Variants in ZDHHC17 observed in about 807,000 individuals in gnomAD.
The protein encoded by ZDHHC17 is zDHHC palmitoyltransferase 17, also known as palmitoyltransferase ZDHHC17.
A neutral mutation model predicts 90.3 loss-of-function variants in ZDHHC17; 40 were observed. The ratio of observed to expected loss-of-function variants is 0.44; its 90% CI spans 0.34 to 0.58. The LOEUF (loss-of-function observed/expected upper bound fraction) is 0.58, where lower values mean the gene tolerates loss of function less well. Among genes scored for constraint, ZDHHC17 ranks in the 20% least tolerant of loss-of-function variants. ZDHHC17 has a pLI of 0.01. For synonymous variants in ZDHHC17, 235 were observed against 252.4 expected, an observed-to-expected ratio of 0.93 and a Z score of 0.65; for missense variants, 614 against 780.8, an observed-to-expected ratio of 0.79 and a Z score of 2.55.
At chr12:76,773,570 G>A (rs1952520989) in intron 1 of ZDHHC17, among the ~76,000 whole-genome samples, 2 of 152,172 alleles carry the variant, frequency 1.3e-5, no homozygotes, top group East Asian at 1.9e-4. Flanking sequence ...TACAGATTAG[G>A]AAACAGATTC....
At chr12:76,830,594 A>G (rs1027852759) in intron 10 of ZDHHC17, among the ~76,000 whole-genome samples, 5 of 152,182 alleles carry the variant, frequency 3.3e-5, no homozygotes, top group Admixed American at 2.0e-4. Flanking sequence ...GTATGAGTAA[A>G]ACAGATCTGT....
At chr12:76,835,953 GT>G (rs1002503930) in intron 10 of ZDHHC17, among the ~76,000 whole-genome samples, 2 of 151,250 alleles carry the variant, frequency 1.3e-5, no homozygotes, top group African/African-American at 4.9e-5. Context: ...AATTGTGTAT[GT>G]TTTTTTCTTT....
intron 1 of ZDHHC17, among the ~76,000 whole-genome samples, chr12:76,767,685 C>G (rs1020852744): frequency 6.6e-6 from 1 of 152,080 alleles, no homozygotes; most frequent in African/African-American, 2.4e-5. Flanking sequence ...TTAGGGAGGC[C>G]GAGGCGGGCG....
chr12:76,799,001 AT>A (rs917825750), intron 2 of ZDHHC17, among the ~76,000 whole-genome samples: 11 of 152,150 alleles, frequency 7.2e-5, no homozygotes, highest in African/African-American at 2.4e-4. Flanking sequence ...GTCAGGCGTG[AT>A]GGCACACTCC....
intron 2 of ZDHHC17, among the ~76,000 whole-genome samples, chr12:76,799,163 T>C (rs115324685): frequency 0.027 from 4,101 of 152,196 alleles, 194 homozygotes; most frequent in African/African-American, 0.093. Flanking sequence ...AAAAGAATTC[T>C]CTGAAGTTCA....
At chr12:76,802,069 G>A (rs1252296747) in intron 2 of ZDHHC17, among the ~76,000 whole-genome samples, 3 of 151,970 alleles carry the variant, frequency 2.0e-5, no homozygotes, top group African/African-American at 7.3e-5. Flanking sequence ...ATATGCCTTT[G>A]AGTTACTGTC....
intron 2 of ZDHHC17, among the ~76,000 whole-genome samples, chr12:76,801,441 C>T (rs919201651): frequency 1.1e-4 from 16 of 151,796 alleles, no homozygotes; most frequent in African/African-American, 3.6e-4. Context: ...ATCACAAGGT[C>T]AGGAGATCGA....
At chr12:76,844,342 A>G (rs1592499343) in intron 12 of ZDHHC17, 1 of 152,184 alleles carries the variant, frequency 6.6e-6, no homozygotes, top group African/African-American at 2.4e-5. Context: ...AGTTGTCATT[A>G]TATGGGTATG....
At chr12:76,764,365 G>C in intron 1 of ZDHHC17, 36 bp downstream of exon 1, 1 of 1,539,012 alleles carries the variant, frequency 6.5e-7, no homozygotes, top group African/African-American at 1.4e-5. Context: ...CTTGCCCTGC[G>C]GCCCTCCAGC....
At chr12:76,800,595 T>C (rs1315808518) in intron 2 of ZDHHC17, among the ~76,000 whole-genome samples, 1 of 152,244 alleles carries the variant, frequency 6.6e-6, no homozygotes, top group Non-Finnish European at 1.5e-5. Flanking sequence ...TTTATTAATA[T>C]GTAATGTCTT....
At chr12:76,832,952 A>G (rs1158694269) in intron 10 of ZDHHC17, among the ~76,000 whole-genome samples, 7 of 152,216 alleles carry the variant, frequency 4.6e-5, no homozygotes, top group Non-Finnish European at 4.4e-5. Context: ...TTTCAGTGCC[A>G]TGAATATTGA....
In ZDHHC17 at chr12:76,852,028, T is replaced by C. The variant is rs1195735656; in HGVS notation, c.*1043T>C. 2 of 152,582 alleles carry C rather than the reference T, an allele frequency of 1.3e-5. No homozygotes were observed. The highest frequency in any genetic ancestry group is 4.8e-5 in the African/African-American group (2 of 41,454). The allele number at this position is 152,582 out of a possible 1,614,324, so 9.5% of individuals were successfully genotyped here. On this transcript the variant is annotated 3_prime_UTR_variant, in exon 17 of 17. Transcript: ENST00000426126. ...ACAGTATATTCTGGTTTCAATAAAA[T>C]GACCTATCAGAAAGTAGAATTTCAT...
chr12:76,847,752 G>A (rs1953512574), intron 14 of ZDHHC17, among the ~76,000 whole-genome samples: 1 of 152,138 alleles, frequency 6.6e-6, no homozygotes, highest in African/African-American at 2.4e-5. Context: ...CAGCTACTCA[G>A]GTGGCTGAGG....
chr12:76,805,132 G>C (rs1267786727), intron 2 of ZDHHC17, among the ~76,000 whole-genome samples, 185 bp from the exon 3 acceptor site: 1 of 151,944 alleles, frequency 6.6e-6, no homozygotes, highest in East Asian at 1.9e-4. Context: ...AGACATTTTA[G>C]AACTGTAAAA....
At chr12:76,780,532 G>A (rs1952610165) in intron 1 of ZDHHC17, among the ~76,000 whole-genome samples, 2 of 152,098 alleles carry the variant, frequency 1.3e-5, no homozygotes, top group Non-Finnish European at 2.9e-5. Context: ...GTCACTTCTG[G>A]CTACCGCCCA....
At chr12:76,830,889 G>T (rs1245559918) in intron 10 of ZDHHC17, among the ~76,000 whole-genome samples, 1 of 152,002 alleles carries the variant, frequency 6.6e-6, no homozygotes, top group Non-Finnish European at 1.5e-5. Flanking sequence ...TTTATTCAGA[G>T]TTAGTATAAA....
At chr12:76,789,264 A>G (rs756751062) in intron 1 of ZDHHC17, among the ~76,000 whole-genome samples, 12 of 152,178 alleles carry the variant, frequency 7.9e-5, no homozygotes, top group Middle Eastern at 3.2e-3. Flanking sequence ...TTATTCTTTC[A>G]TTTCATTTAA....
intron 1 of ZDHHC17, among the ~76,000 whole-genome samples, chr12:76,790,451 A>G (rs1463370240): frequency 2.0e-5 from 3 of 152,166 alleles, no homozygotes; most frequent in Non-Finnish European, 4.4e-5. Flanking sequence ...GCAGCAAGCC[A>G]AGATCATACC....
chr12:76,827,436 A>C (rs981668123), intron 9 of ZDHHC17, among the ~76,000 whole-genome samples: 2 of 152,168 alleles, frequency 1.3e-5, no homozygotes, highest in Non-Finnish European at 2.9e-5. Flanking sequence ...ACAATAAGCA[A>C]GGAAGAGGTT....
Sources: gnomAD v4.1 joint callset for allele counts (sites outside exome capture counted in the v4.1 genomes callset) on GRCh38, gnomAD v4.1.1 for gene constraint, MANE v1.5 for transcripts, NCBI Gene and HGNC (gene_info 2026-07-23, HGNC 2026-07-21) for gene names.